The following ANK2 variants were observed in gnomAD, a reference collection of about 807,000 sequenced individuals.
ANK2 encodes ankyrin-2.
Under a neutral mutation model 360.5 loss-of-function variants are expected in ANK2, and 83 were observed. That is an observed-to-expected ratio of 0.23 (90% confidence interval 0.19 to 0.28). The LOEUF (loss-of-function observed/expected upper bound fraction) is 0.28, where lower values mean the gene tolerates loss of function less well. Among genes scored for constraint, ANK2 ranks in the 10% least tolerant of loss-of-function variants. The pLI, the probability that ANK2 is intolerant of heterozygous loss-of-function variation, is 1.00. For missense variants in ANK2, 4,201 were observed against 4,795.7 expected (o/e 0.88, Z 3.66); for synonymous variants, 1,740 against 1,759.5 (o/e 0.99, Z 0.28).
intron 22 of ANK2, among the ~76,000 whole-genome samples, chr4:113,299,265 C>T (rs1264894278): frequency 6.6e-6 from 1 of 152,120 alleles, no homozygotes; most frequent in Non-Finnish European, 1.5e-5. Context: ...AAAGTATCTC[C>T]AGTAATTATT....
In ANK2 at chr4:112,959,551, ACACT is replaced by A. The variant is rs987324700; in HGVS notation, c.21+55041_21+55044del. 5.3e-5 allele frequency among the ~76,000 whole-genome samples: 8 copies of A among 152,308 alleles called. No homozygotes were observed. In the East Asian group the frequency reaches 5.8e-4, roughly 11 times the overall value. ...GAACTTTGTGAATAGGTTATGGGAA[ACACT>A]CACATGTGATAGGTAGGTATATAAT... is the stretch of plus-strand genomic sequence containing the variant. On this transcript the variant is annotated intron_variant, in intron 2 of 30. Transcript: ENST00000503271.
chr4:113,296,149 G>A (rs937096326), intron 22 of ANK2, among the ~76,000 whole-genome samples: 2 of 152,014 alleles, frequency 1.3e-5, no homozygotes, highest in African/African-American at 2.4e-5. Flanking sequence ...AACTGACTTT[G>A]GTTTTGCTGA....
chr4:113,184,940 T>G (rs1474297960), intron 2 of ANK2, among the ~76,000 whole-genome samples: 1 of 152,094 alleles, frequency 6.6e-6, no homozygotes, highest in Admixed American at 6.5e-5. Context: ...CTCCCACTTA[T>G]GAGTGAGATG....
intron 1 of ANK2, among the ~76,000 whole-genome samples, chr4:113,099,336 A>G (rs1216521469): frequency 1.3e-5 from 2 of 151,972 alleles, no homozygotes; most frequent in Non-Finnish European, 1.5e-5. Flanking sequence ...TTAATATACA[A>G]AAGTCAGCTG....
the ANK2 span, among the ~76,000 whole-genome samples, chr4:112,779,700 G>A: frequency 2.9e-4 from 44 of 152,266 alleles, no homozygotes; most frequent in South Asian, 8.9e-3. Flanking sequence ...TACTCTAAAT[G>A]TTTTATGGAC....
Position 113,312,388 on chromosome 4 carries a change from T to C in ANK2, c.2693+989T>C, listed in dbSNP as rs1283269268. Among the ~76,000 whole-genome samples, 4 of 152,292 alleles carry C rather than the reference T, an allele frequency of 2.6e-5. No individual in the cohort carries two copies. The East Asian group carries it at 5.8e-4, about 22-fold the overall frequency. On this transcript the variant is annotated intron_variant, in intron 24 of 45. Transcript: ENST00000357077. ...TAAAGTTGGCACTATTGTAAGCTAT[T>C]TTATGAATATCCAGCATAGAGTCTA...
intron 26 of ANK2, among the ~76,000 whole-genome samples, chr4:113,328,814 A>G (rs961229952): frequency 3.3e-5 from 5 of 152,186 alleles, no homozygotes; most frequent in Non-Finnish European, 1.5e-5. Context: ...GTTTAATAGC[A>G]TGTTTAATGA....
intron 22 of ANK2, among the ~76,000 whole-genome samples, chr4:113,297,578 G>A (rs758286978): frequency 1.4e-4 from 22 of 152,122 alleles, no homozygotes; most frequent in Non-Finnish European, 2.9e-4. Context: ...AAAAATAGGA[G>A]CCATAAAAAT....
At chr4:113,272,602 C>G (rs2058944554) in intron 14 of ANK2, among the ~76,000 whole-genome samples, 1 of 152,080 alleles carries the variant, frequency 6.6e-6, no homozygotes, top group Admixed American at 6.6e-5. Context: ...AAAAAGTAGG[C>G]AAGACATCCT....
chr4:113,271,990 A>G (rs544484942), intron 14 of ANK2, among the ~76,000 whole-genome samples: 2 of 152,180 alleles, frequency 1.3e-5, no homozygotes, highest in Non-Finnish European at 2.9e-5. Flanking sequence ...CTGTTGGCAC[A>G]ATTACAGGGC....
chr4:112,739,982 C>T, the ANK2 span, among the ~76,000 whole-genome samples: 1 of 152,072 alleles, frequency 6.6e-6, no homozygotes, highest in Non-Finnish European at 1.5e-5. Context: ...GGCAACAGAG[C>T]AGAACCCCGT....
At chr4:113,348,829 C>A (rs997046360) in intron 36 of ANK2, among the ~76,000 whole-genome samples, 1 of 151,998 alleles carries the variant, frequency 6.6e-6, no homozygotes. Flanking sequence ...ATTTTCTCAG[C>A]CTTCATTTGT....
At chr4:112,787,317 A>G in the ANK2 span, among the ~76,000 whole-genome samples, 5 of 151,556 alleles carry the variant, frequency 3.3e-5, no homozygotes, top group African/African-American at 1.2e-4. Context: ...ACCTTCTGCT[A>G]CTCCCCTCGA....
intron 34 of ANK2, among the ~76,000 whole-genome samples, chr4:113,345,270 G>T (rs543318262): frequency 6.6e-6 from 1 of 152,234 alleles, no homozygotes; most frequent in African/African-American, 2.4e-5. Context: ...TAGAATAGAG[G>T]TTATTAGGGG....
At chr4:113,118,913 C>A (rs952018519) in intron 1 of ANK2, among the ~76,000 whole-genome samples, 3 of 152,144 alleles carry the variant, frequency 2.0e-5, no homozygotes, top group Admixed American at 1.3e-4. Context: ...CTTTGCTTAG[C>A]TAGAGTACCA....
At chr4:113,006,143 T>G (rs2052763510) in intron 2 of ANK2, among the ~76,000 whole-genome samples, 2 of 152,176 alleles carry the variant, frequency 1.3e-5, no homozygotes, top group African/African-American at 4.8e-5. Context: ...TCTGCATATT[T>G]CAAAGTAACT....
intron 2 of ANK2, among the ~76,000 whole-genome samples, chr4:112,959,987 G>T (rs2033856456): frequency 6.6e-6 from 1 of 152,252 alleles, no homozygotes; most frequent in African/African-American, 2.4e-5. Flanking sequence ...ACCAGAAAAA[G>T]TGTACATAGT....
At chr4:113,009,286 T>C (rs2053948579) in intron 2 of ANK2, among the ~76,000 whole-genome samples, 1 of 152,180 alleles carries the variant, frequency 6.6e-6, no homozygotes, top group Admixed American at 6.5e-5. Flanking sequence ...TTCTGAAAAC[T>C]ACAGAGTGCC....
intron 43 of ANK2, 52 bp from the exon 44 acceptor site, chr4:113,373,038 C>A (rs2096794971): frequency 1.4e-6 from 2 of 1,437,612 alleles, no homozygotes; most frequent in South Asian, 1.1e-5. Flanking sequence ...GGGAGTAGTT[C>A]CTCAGAATTG....
Sources: allele counts gnomAD v4.1 joint callset (sites outside exome capture counted in the v4.1 genomes callset), GRCh38; gene constraint gnomAD v4.1.1; transcripts MANE v1.5; gene names NCBI Gene and HGNC (gene_info 2026-07-23, HGNC 2026-07-21).